Variants in CDC34 observed in about 807,000 individuals in gnomAD.
The protein encoded by CDC34 is cell division cycle 34, ubiquitin conjugating enzyme, also known as ubiquitin-conjugating enzyme E2 R1.
In CDC34, 18 loss-of-function variants were observed where a neutral mutation model predicts 26.8. The observed-to-expected ratio is 0.67, with a 90% CI of 0.47 to 1.00. The LOEUF is 1.00. Among genes scored for constraint, CDC34 ranks in the 50% least tolerant of loss-of-function variants. CDC34 has a pLI of 0.00. For synonymous variants in CDC34, 178 were observed against 147.5 expected, an observed-to-expected ratio of 1.21 and a Z score of -1.50; for missense variants, 280 against 334.5, an observed-to-expected ratio of 0.84 and a Z score of 1.27.
At chr19:536,954 G>A (rs955325567) in intron 3 of CDC34, 59 bp from the exon 4 acceptor site, 25 of 1,608,186 alleles carry the variant, frequency 1.6e-5, no homozygotes, top group East Asian at 2.2e-5. Context: ...CAGGGCCAGA[G>A]AAGAGCCGGA....
chr19:540,045 C>T (rs1270233043), intron 4 of CDC34, among the ~76,000 whole-genome samples: 108 of 139,386 alleles, frequency 7.7e-4, no homozygotes, highest in African/African-American at 2.6e-3. Flanking sequence ...GGCCAGGCCC[C>T]CCACGTTTAG....
intron 1 of CDC34, 58 bp downstream of exon 1, chr19:532,166 G>C (rs1436010282): frequency 1.5e-6 from 2 of 1,364,740 alleles, no homozygotes; most frequent in Admixed American, 3.6e-5. Flanking sequence ...CGGGCGCCGG[G>C]AACCAGCTCC....
At chr19:532,533 T>TGCCCTCCCC (rs1017797078) in intron 1 of CDC34, among the ~76,000 whole-genome samples, 11 of 152,148 alleles carry the variant, frequency 7.2e-5, no homozygotes, top group Admixed American at 2.0e-4. Flanking sequence ...GCCTTTCAGC[T>TGCCCTCCCC]GCCCTCCCCG....
intron 1 of CDC34, among the ~76,000 whole-genome samples, chr19:532,704 C>T (rs1403533263): frequency 6.6e-6 from 1 of 152,264 alleles, no homozygotes; most frequent in African/African-American, 2.4e-5. Flanking sequence ...CAGCCAGGAC[C>T]CGCCTGGAAA....
intron 4 of CDC34, chr19:538,651 A>T (rs1424966446): frequency 1.1e-6 from 1 of 926,222 alleles, no homozygotes; most frequent in Non-Finnish European, 1.3e-6. Context: ...TATTGCACAC[A>T]TAATGCATGT....
At chr19:533,074 A>G (rs1056549904) in intron 1 of CDC34, among the ~76,000 whole-genome samples, 7 of 152,076 alleles carry the variant, frequency 4.6e-5, no homozygotes, top group African/African-American at 1.7e-4. Flanking sequence ...TGTGAAAAGG[A>G]CTCAGGCCAA....
At position 536,502 on chromosome 19, in the gene CDC34, T is replaced by G; in HGVS notation, c.362+162T>G. On this transcript the variant is annotated intron_variant, in intron 3 of 4. Transcript: ENST00000215574. ...TGGCGGTCCTGGGCCTCGCTGTACCTGCACGGTAGGTGCTTTCACGGGGCC... is the reference window on the plus strand; with the variant it reads ...TGGCGGTCCTGGGCCTCGCTGTACCGGCACGGTAGGTGCTTTCACGGGGCC... The G allele has an allele frequency of 4.9e-6, 3 of 613,692 alleles. No homozygotes were observed. The South Asian group carries it at 5.8e-5, about 12-fold the overall frequency. The allele number at this position is 613,692 out of a possible 1,614,324, so 38.0% of individuals were successfully genotyped here. A position where few individuals can be genotyped will look rare whatever the true frequency, so the allele number is the denominator to read the frequency against.
At chr19:539,634 AC>A (rs968400130) in intron 4 of CDC34, among the ~76,000 whole-genome samples, 1 of 151,858 alleles carries the variant, frequency 6.6e-6, no homozygotes, top group Non-Finnish European at 1.5e-5. Context: ...GGACCCGCAC[AC>A]CCTGGTAGCA....
intron 2 of CDC34, 116 bp from the exon 3 acceptor site, chr19:536,127 C>G (rs1408330955): frequency 2.2e-6 from 2 of 898,162 alleles, no homozygotes; most frequent in Non-Finnish European, 3.4e-6. Flanking sequence ...CTTCCGGGAC[C>G]CGGGGCGCTG....
chr19:532,241 C>T (rs1399245160), intron 1 of CDC34, 133 bp downstream of exon 1: 3 of 615,642 alleles, frequency 4.9e-6, no homozygotes, highest in East Asian at 3.5e-5. Flanking sequence ...GGCTCGTTTC[C>T]CTTCTATGGC....
intron 1 of CDC34, among the ~76,000 whole-genome samples, chr19:534,466 C>T (rs1979641391): frequency 7.6e-6 from 1 of 132,014 alleles, no homozygotes; most frequent in African/African-American, 2.9e-5. Context: ...CCCTGAGTGC[C>T]CTCCCTGTCC....
chr19:538,898 G>A (rs1459400578), intron 4 of CDC34: 10 of 985,224 alleles, frequency 1.0e-5, no homozygotes, highest in African/African-American at 7.0e-5. Flanking sequence ...AGATGTCCTC[G>A]GTGGCCCCGG....
At chr19:535,596 C>G (rs2050428972) in intron 1 of CDC34, among the ~76,000 whole-genome samples, 1 of 152,242 alleles carries the variant, frequency 6.6e-6, no homozygotes, top group African/African-American at 2.4e-5. Flanking sequence ...TGGGCCGGGT[C>G]CCGGCCACCT....
intron 1 of CDC34, among the ~76,000 whole-genome samples, chr19:532,405 C>T (rs1979535699): frequency 6.6e-6 from 1 of 152,224 alleles, no homozygotes; most frequent in South Asian, 2.1e-4. Context: ...GCCGGGGGCC[C>T]TCCCTGTAGC....
chr19:537,166 GT>G lies in CDC34; in HGVS notation c.497+20del. 1 of 1,611,254 alleles carries G rather than the reference GT, an allele frequency of 6.2e-7. No individual in the cohort carries two copies. Among genetic ancestry groups the G allele is most frequent in the East Asian group, 2.2e-5 (1 of 44,836 alleles). ...TCATCCGGTGAGGGCGGGCGGGGGC[GT>G]CACGGGAGGAGAGACTCAGATCCGG... On this transcript the variant is annotated intron_variant, in intron 4 of 4. Transcript: ENST00000215574.
At chr19:534,478 GACCTCACCCAC>G (rs1979642375) in intron 1 of CDC34, among the ~76,000 whole-genome samples, 1 of 119,502 alleles carries the variant, frequency 8.4e-6, no homozygotes, top group Non-Finnish European at 1.7e-5. Flanking sequence ...TCCCTGTCCA[GACCTCACCCAC>G]GATCCAAGAC....
At chr19:538,550 C>A in intron 4 of CDC34, 1 of 238,346 alleles carries the variant, frequency 4.2e-6, no homozygotes, top group Non-Finnish European at 6.7e-6. Context: ...TTTTTTTTCT[C>A]AGAGTGATAT....
chr19:540,724 GCCCCC>G, intron 4 of CDC34, among the ~76,000 whole-genome samples: 1 of 65,802 alleles, frequency 1.5e-5, no homozygotes, highest in East Asian at 4.3e-4. Flanking sequence ...GGGTGGCCAG[GCCCCC>G]GGGTTTAGAA....
intron 3 of CDC34, 63 bp from the exon 4 acceptor site, chr19:536,950 C>G (rs753743468): frequency 7.5e-5 from 121 of 1,604,782 alleles, no homozygotes; most frequent in Non-Finnish European, 9.5e-5. Flanking sequence ...CCCTCAGGGC[C>G]AGAGAAGAGC....
Sources: allele counts gnomAD v4.1 joint callset (sites outside exome capture counted in the v4.1 genomes callset), GRCh38; gene constraint gnomAD v4.1.1; transcripts MANE v1.5; gene names NCBI Gene and HGNC (gene_info 2026-07-23, HGNC 2026-07-21).